The following PNPT1 variants were observed in gnomAD, a reference collection of about 807,000 sequenced individuals.
PNPT1 encodes polyribonucleotide nucleotidyltransferase 1, mitochondrial.
A neutral mutation model predicts 119.5 loss-of-function variants in PNPT1; 53 were observed. The ratio of observed to expected loss-of-function variants is 0.44; its 90% CI spans 0.36 to 0.56. The LOEUF is 0.56. Among genes scored for constraint, PNPT1 ranks in the 20% least tolerant of loss-of-function variants. PNPT1 has a pLI of 0.00. For synonymous variants in PNPT1, 357 were observed against 322.1 expected, an observed-to-expected ratio of 1.11 and a Z score of -1.16; for missense variants, 948 against 938.5, an observed-to-expected ratio of 1.01 and a Z score of -0.13.
At chr2:55,687,313 G>A (rs2104182605) in intron 2 of PNPT1, among the ~76,000 whole-genome samples, 1 of 151,636 alleles carries the variant, frequency 6.6e-6, no homozygotes, top group Non-Finnish European at 1.5e-5. Flanking sequence ...GGTGGTGCAC[G>A]CCTGTAGTCC....
intron 25 of PNPT1, among the ~76,000 whole-genome samples, chr2:55,641,364 G>T (rs1695829845): frequency 6.8e-6 from 1 of 146,804 alleles, no homozygotes; most frequent in Non-Finnish European, 1.5e-5. Flanking sequence ...CGCCTCCCAG[G>T]TTCAAGTCAT....
At chr2:55,686,301 C>T in intron 3 of PNPT1, 69 bp downstream of exon 3, 1 of 1,456,908 alleles carries the variant, frequency 6.9e-7, no homozygotes, top group Middle Eastern at 1.8e-4. Context: ...AGACACTGGA[C>T]AAAAATATTA....
intron 25 of PNPT1, among the ~76,000 whole-genome samples, chr2:55,642,509 T>C (rs530929415): frequency 1.7e-3 from 249 of 145,386 alleles, no homozygotes; most frequent in Non-Finnish European, 2.1e-3. Flanking sequence ...CCGGGGAGGA[T>C]GAGGCAGAAT....
At position 55,654,956 on chromosome 2, in the gene PNPT1, A is replaced by G. The variant is rs755805432; in HGVS notation, c.1442-3T>C. On this transcript the variant is annotated splice_region_variant and splice_polypyrimidine_tract_variant and intron_variant, in intron 17 of 27. Coordinates refer to ENST00000447944, the MANE Select transcript of PNPT1 (RefSeq NM_033109.5). ...TGCAGATGCCATAGAAGATGACCCTATAGAAAGAAAAATAACTGCTTTATA... is the reference window on the plus strand; with the variant it reads ...TGCAGATGCCATAGAAGATGACCCTGTAGAAAGAAAAATAACTGCTTTATA... The G allele has an allele frequency of 1.2e-6, 2 of 1,611,952 alleles. No individual in the cohort carries two copies. The highest frequency in any genetic ancestry group is 1.1e-5 in the South Asian group (1 of 90,732).
intron 15 of PNPT1, among the ~76,000 whole-genome samples, chr2:55,656,612 G>A (rs1167864679): frequency 6.6e-6 from 1 of 151,770 alleles, no homozygotes; most frequent in Admixed American, 6.6e-5. Flanking sequence ...ATGGGTATGG[G>A]GATTTACACC....
At position 55,636,399 on chromosome 2, in the gene PNPT1, T is replaced by G; in HGVS notation, c.2197-7A>C. 6.2e-7 allele frequency: 1 copy of G among 1,613,194 alleles called. No homozygotes were observed. Among genetic ancestry groups the G allele is most frequent in the African/African-American group, 1.3e-5 (1 of 75,030 alleles). The stretch of plus-strand genomic sequence containing the variant: ...CACGTCCAAAGTATTTCACCTGTGT[T>G]AAAGAAACAGATCTTCCTTTAAAGT... On this transcript the variant is annotated splice_region_variant and splice_polypyrimidine_tract_variant and intron_variant, in intron 27 of 27. Transcript: ENST00000447944.
At chr2:55,671,973 G>A (rs777410490) in intron 10 of PNPT1, 22 bp downstream of exon 10, 9 of 1,562,716 alleles carry the variant, frequency 5.8e-6, no homozygotes, top group Non-Finnish European at 7.8e-6. Context: ...AATTATGGAA[G>A]ACAAAACTCA....
intron 1 of PNPT1, 46 bp from the exon 2 acceptor site, chr2:55,687,751 T>C: frequency 7.1e-7 from 1 of 1,399,514 alleles, no homozygotes; most frequent in South Asian, 1.3e-5. Context: ...AGGTCATCTG[T>C]ACAATTCCTG....
chr2:55,642,812 G>T (rs1695875636), intron 25 of PNPT1, among the ~76,000 whole-genome samples: 1 of 151,656 alleles, frequency 6.6e-6, no homozygotes, highest in African/African-American at 2.4e-5. Flanking sequence ...ATTATAATAG[G>T]AATCTGTTAA....
intron 4 of PNPT1, 79 bp from the exon 5 acceptor site, chr2:55,683,913 TA>T (rs1697321820): frequency 1.5e-6 from 2 of 1,347,362 alleles, no homozygotes; most frequent in Non-Finnish European, 2.1e-6. Context: ...CTAATATAGA[TA>T]GCCATTCAAT....
intron 18 of PNPT1, among the ~76,000 whole-genome samples, chr2:55,647,667 C>T (rs1204061071): frequency 6.6e-6 from 1 of 151,944 alleles, no homozygotes; most frequent in Non-Finnish European, 1.5e-5. Flanking sequence ...TTATAGGCAC[C>T]CGCCAACACG....
At chr2:55,656,036 G>C in intron 17 of PNPT1, 95 bp downstream of exon 17, 1 of 1,457,998 alleles carries the variant, frequency 6.9e-7, no homozygotes, top group Non-Finnish European at 9.1e-7. Flanking sequence ...GGGTTCTGTA[G>C]TAATAAACAA....
chr2:55,663,988 C>CA (rs1023085790), intron 13 of PNPT1, among the ~76,000 whole-genome samples: 5 of 151,732 alleles, frequency 3.3e-5, no homozygotes, highest in African/African-American at 1.2e-4. Context: ...GACTCCATCC[C>CA]AAAAAAAGAA....
At chr2:55,688,234 C>T (rs527543660) in intron 1 of PNPT1, among the ~76,000 whole-genome samples, 343 of 151,996 alleles carry the variant, frequency 2.3e-3, no homozygotes, top group Non-Finnish European at 4.1e-3. Flanking sequence ...TGGATGAGTT[C>T]TTACTATATT....
At chr2:55,674,878 A>G (rs981281477) in intron 8 of PNPT1, among the ~76,000 whole-genome samples, 1 of 152,228 alleles carries the variant, frequency 6.6e-6, no homozygotes, top group African/African-American at 2.4e-5. Flanking sequence ...TATTTCCAAG[A>G]TATCCTCTCA....
chr2:55,652,461 TC>T (rs1696241878), intron 18 of PNPT1, among the ~76,000 whole-genome samples: 1 of 152,188 alleles, frequency 6.6e-6, no homozygotes, highest in African/African-American at 2.4e-5. Flanking sequence ...AGTCACCCAT[TC>T]CTTTTAATCA....
chr2:55,680,046 T>TA (rs1388407306), intron 7 of PNPT1, among the ~76,000 whole-genome samples: 2 of 152,200 alleles, frequency 1.3e-5, no homozygotes, highest in African/African-American at 4.8e-5. Context: ...TCCCCTGGTC[T>TA]AGCCAGTCAG....
At chr2:55,689,085 GA>G (rs979133077) in intron 1 of PNPT1, among the ~76,000 whole-genome samples, 6 of 151,766 alleles carry the variant, frequency 4.0e-5, no homozygotes, top group East Asian at 3.9e-4. Flanking sequence ...AATGACAAAA[GA>G]AAAAAATAGG....
chr2:55,650,924 C>T (rs1280081128), intron 18 of PNPT1, among the ~76,000 whole-genome samples: 4 of 150,296 alleles, frequency 2.7e-5, no homozygotes, highest in African/African-American at 7.3e-5. Flanking sequence ...CCCGGCCAGC[C>T]GCCCCGTCCG....
Sources: gnomAD v4.1 joint callset for allele counts (sites outside exome capture counted in the v4.1 genomes callset) on GRCh38, gnomAD v4.1.1 for gene constraint, MANE v1.5 for transcripts, NCBI Gene and HGNC (gene_info 2026-07-23, HGNC 2026-07-21) for gene names.